Variants in PDE8B observed in about 807,000 individuals in gnomAD.
The protein encoded by PDE8B is phosphodiesterase 8B.
PDE8B carries 26 observed loss-of-function variants against 101.3 expected under a neutral mutation model. That is an observed-to-expected ratio of 0.26 (90% CI 0.19 to 0.36). The LOEUF (loss-of-function observed/expected upper bound fraction) is 0.36. PDE8B is among the 10% of genes least tolerant of loss of function. The probability of loss-of-function intolerance (pLI) is 1.00; values close to 1 mark genes in which losing one functional copy is unlikely to be tolerated. For missense variants in PDE8B, 810 were observed against 1,163.1 expected (o/e 0.70, Z 4.42); for synonymous variants, 424 against 429.3 (o/e 0.99, Z 0.15).
intron 1 of PDE8B, among the ~76,000 whole-genome samples, chr5:77,235,298 A>G (rs749546002): frequency 1.8e-4 from 28 of 152,170 alleles, no homozygotes; most frequent in Admixed American, 7.2e-4. Flanking sequence ...ATATTTATTC[A>G]CCTTTAGTAT....
At chr5:77,234,060 C>A (rs992553053) in intron 1 of PDE8B, among the ~76,000 whole-genome samples, 2 of 152,140 alleles carry the variant, frequency 1.3e-5, no homozygotes. Context: ...GAGCTTGCAA[C>A]CTGTCCAGAG....
chr5:77,352,863 A>G (rs957454865), intron 9 of PDE8B, among the ~76,000 whole-genome samples: 2 of 152,212 alleles, frequency 1.3e-5, no homozygotes, highest in African/African-American at 4.8e-5. Flanking sequence ...TGACGTTGAA[A>G]TGAGAGGATT....
the PDE8B span, among the ~76,000 whole-genome samples, chr5:77,106,964 C>T: frequency 5.9e-5 from 9 of 152,022 alleles, no homozygotes; most frequent in East Asian, 3.9e-4. Context: ...AGGTTTGTTA[C>T]ATATGTATAC....
At chr5:77,398,523 T>C (rs1043771930) in intron 10 of PDE8B, among the ~76,000 whole-genome samples, 1 of 152,090 alleles carries the variant, frequency 6.6e-6, no homozygotes. Flanking sequence ...GGTTTCACCA[T>C]GTTGGCTAGG....
At chr5:77,264,197 G>A (rs766245355) in intron 1 of PDE8B, among the ~76,000 whole-genome samples, 25 of 152,128 alleles carry the variant, frequency 1.6e-4, no homozygotes, top group Non-Finnish European at 2.1e-4. Flanking sequence ...ATATTTTCAA[G>A]TTTCAACTAT....
chr5:77,412,284 C>T (rs1369683061), intron 16 of PDE8B, 49 bp downstream of exon 16: 1 of 1,599,312 alleles, frequency 6.3e-7, no homozygotes, highest in Non-Finnish European at 8.6e-7. Flanking sequence ...TGGCCATGCT[C>T]AAACTCTCAC....
intron 2 of PDE8B, among the ~76,000 whole-genome samples, chr5:77,317,926 G>A (rs927999865): frequency 5.3e-5 from 8 of 151,786 alleles, no homozygotes; most frequent in East Asian, 1.9e-4. Context: ...GTGTGGTGGC[G>A]GGCATCTGTA....
rs540488929 is a variant in PDE8B, at chr5:77,404,233, G to A, written c.1211-487G>A. On this transcript the variant is annotated intron_variant, in intron 11 of 21. Transcript: ENST00000264917. ...GAACTCCTGACTTCGTGATCTGCCC[G>A]TCTCAGCCTCCCAAAGTGCTGGACT... Among the ~76,000 whole-genome samples, 18 of 152,200 alleles carry A rather than the reference G, an allele frequency of 1.2e-4. 1 individual carries two copies. Among genetic ancestry groups the A allele is most frequent in the Middle Eastern group, 3.4e-3 (1 of 294 alleles).
chr5:77,116,052 G>C, the PDE8B span, among the ~76,000 whole-genome samples: 32 of 151,838 alleles, frequency 2.1e-4, no homozygotes, highest in African/African-American at 7.0e-4. Context: ...ACAAGAACTT[G>C]TGCTATTTAG....
chr5:77,237,531 A>T (rs1408645798), intron 1 of PDE8B, among the ~76,000 whole-genome samples: 1 of 152,128 alleles, frequency 6.6e-6, no homozygotes, highest in Non-Finnish European at 1.5e-5. Context: ...TTTTTTATCC[A>T]ATCTTCTTCA....
Position 77,418,329 on chromosome 5 carries a change from G to A in PDE8B, c.2012G>A (p.Gly671Asp), listed in dbSNP as rs748590047. The A allele has an allele frequency of 1.2e-6, 2 of 1,613,878 alleles. No homozygotes were observed. The highest frequency in any genetic ancestry group is 2.2e-5 in the South Asian group (2 of 91,068). ...GRTNSFLCNA[G>D]SELAVLYNDT... is the part of the protein sequence containing the mutation. ...ACCAACTCTTTCCTCTGCAATGCAG[G>A]CAGTGAGCTTGCTGTGCTCTACAAT... Residue 671 changes from glycine to aspartate, a missense_variant, in exon 18 of 22, where the codon GGC becomes GAC. Gly to Asp is a moderately conservative substitution (Grantham distance 94). Around this residue, in one of 4 missense-constraint regions of PDE8B, gnomAD observed 325 missense variants for 560.9 expected, o/e 0.58. Transcript: ENST00000264917.
At chr5:77,416,291 A>G (rs1208385610) in intron 17 of PDE8B, among the ~76,000 whole-genome samples, 1 of 152,200 alleles carries the variant, frequency 6.6e-6, no homozygotes, top group South Asian at 2.1e-4. Context: ...GAAGAATTAA[A>G]AAATAAACAG....
the PDE8B span, among the ~76,000 whole-genome samples, chr5:77,181,985 C>T: frequency 1.3e-5 from 2 of 152,032 alleles, no homozygotes; most frequent in East Asian, 3.9e-4. Flanking sequence ...TGTAGAGGTT[C>T]GGTTTTCCAA....
At chr5:77,410,516 A>G (rs1581553263) in intron 14 of PDE8B, 1 of 152,174 alleles carries the variant, frequency 6.6e-6, no homozygotes, top group Non-Finnish European at 1.5e-5. Flanking sequence ...CCCTTCTCCT[A>G]CCTCACTGCC....
the PDE8B span, among the ~76,000 whole-genome samples, chr5:77,109,128 C>T: frequency 1.4e-3 from 214 of 152,312 alleles, 1 homozygote; most frequent in African/African-American, 5.0e-3. Context: ...TGATGCATAG[C>T]CATGAAATGA....
At chr5:77,272,328 C>G (rs1306619798) in intron 1 of PDE8B, among the ~76,000 whole-genome samples, 1 of 152,164 alleles carries the variant, frequency 6.6e-6, no homozygotes. Flanking sequence ...GCCAAGTAAC[C>G]TTGGTTGACT....
At chr5:77,273,474 C>T (rs1217076755) in intron 1 of PDE8B, among the ~76,000 whole-genome samples, 3 of 152,132 alleles carry the variant, frequency 2.0e-5, no homozygotes, top group Non-Finnish European at 2.9e-5. Context: ...TAGCAATCGC[C>T]CTTGTCCTTC....
chr5:77,339,298 T>C (rs762729767), intron 6 of PDE8B, among the ~76,000 whole-genome samples: 12 of 152,178 alleles, frequency 7.9e-5, no homozygotes, highest in South Asian at 2.1e-4. Flanking sequence ...CAGTGTCAAA[T>C]TGGATAATGG....
chr5:77,291,896 A>G (rs981947686), intron 1 of PDE8B: 103 of 1,135,484 alleles, frequency 9.1e-5, no homozygotes, highest in Non-Finnish European at 1.3e-4. Flanking sequence ...GAATAAATGC[A>G]TTATTATGAC....
Sources: allele counts gnomAD v4.1 joint callset (sites outside exome capture counted in the v4.1 genomes callset), GRCh38; gene constraint gnomAD v4.1.1; regional missense constraint gnomAD v4.1.1; transcripts MANE v1.5; gene names NCBI Gene and HGNC (gene_info 2026-07-23, HGNC 2026-07-21).